ZNF516: variants seen among roughly 807,000 people sequenced by gnomAD.
ZNF516 encodes zinc finger protein 516.
Under a neutral mutation model 79.7 loss-of-function variants are expected in ZNF516, and 19 were observed. That is an observed-to-expected ratio of 0.24 (90% CI 0.17 to 0.35). The LOEUF (loss-of-function observed/expected upper bound fraction) is 0.35, where lower values mean the gene tolerates loss of function less well. ZNF516 is among the 10% of genes least tolerant of loss of function. The pLI, the probability that ZNF516 is intolerant of heterozygous loss-of-function variation, is 1.00. For missense variants in ZNF516, 1,678 were observed against 1,679.5 expected (o/e 1.00, Z 0.02); for synonymous variants, 877 against 739.5 (o/e 1.19, Z -3.02).
chr18:76,400,310 G>A (rs1253869102), intron 3 of ZNF516, among the ~76,000 whole-genome samples: 1 of 152,158 alleles, frequency 6.6e-6, no homozygotes, highest in Non-Finnish European at 1.5e-5. Context: ...TTTCACAGAG[G>A]TTTATGTTAC....
chr18:76,484,157 C>T (rs993253710), intron 1 of ZNF516, among the ~76,000 whole-genome samples: 1 of 152,202 alleles, frequency 6.6e-6, no homozygotes, highest in Non-Finnish European at 1.5e-5. Context: ...TCTGTGCATT[C>T]AGCACAGCGT....
intron 1 of ZNF516, among the ~76,000 whole-genome samples, chr18:76,485,328 A>G (rs1968392263): frequency 6.6e-6 from 1 of 152,198 alleles, no homozygotes; most frequent in African/African-American, 2.4e-5. Context: ...TATTTTCTCA[A>G]ACTGGCATAA....
intron 1 of ZNF516, among the ~76,000 whole-genome samples, chr18:76,474,123 T>C (rs935866996): frequency 4.6e-5 from 7 of 152,012 alleles, no homozygotes; most frequent in African/African-American, 1.7e-4. Flanking sequence ...ACAGCTACAG[T>C]GAATACCTGA....
chr18:76,407,305 G>A (rs1238871448), intron 3 of ZNF516, among the ~76,000 whole-genome samples: 35 of 152,162 alleles, frequency 2.3e-4, no homozygotes, highest in Non-Finnish European at 7.3e-5. Context: ...TGCACCTGTT[G>A]TTTCAGCTAC....
At chr18:76,452,104 G>T (rs993667668) in intron 2 of ZNF516, among the ~76,000 whole-genome samples, 5 of 152,098 alleles carry the variant, frequency 3.3e-5, no homozygotes, top group Admixed American at 2.0e-4. Context: ...GCATTCACAA[G>T]AAACTCCACC....
In ZNF516 at chr18:76,471,255, G is replaced by GAA. The variant is rs533579669; in HGVS notation, c.-271-8116_-271-8115dup. ...GCAAACCCTCCACATCCTCCACACGGAAAAAAAAAAAAAGACATATTATTT... is the reference window on the plus strand; with the variant it reads ...GCAAACCCTCCACATCCTCCACACGGAAAAAAAAAAAAAAAGACATATTATTT... On this transcript the variant is annotated intron_variant, in intron 1 of 6. Transcript: ENST00000443185. 5.0e-5 allele frequency among the ~76,000 whole-genome samples: 7 copies of GAA among 140,428 alleles called. No homozygotes were observed. The East Asian group carries it at 6.2e-4, about 12-fold the overall frequency. 92.1% of individuals were successfully genotyped at this position (140,428 alleles called of 152,430 possible). A position where few individuals can be genotyped will look rare whatever the true frequency, so the allele number is the denominator to read the frequency against.
chr18:76,431,565 C>G (rs1818991254), intron 3 of ZNF516, among the ~76,000 whole-genome samples: 1 of 152,162 alleles, frequency 6.6e-6, no homozygotes, highest in Non-Finnish European at 1.5e-5. Context: ...AGGTGGGGCC[C>G]GAGGGGCGGT....
intron 4 of ZNF516, among the ~76,000 whole-genome samples, chr18:76,374,816 AC>A (rs2074761167): frequency 6.6e-6 from 1 of 152,192 alleles, no homozygotes; most frequent in South Asian, 2.1e-4. Context: ...TGCAGACGAC[AC>A]CCACCTAGCA....
intron 4 of ZNF516, among the ~76,000 whole-genome samples, chr18:76,372,215 C>G (rs2074719897): frequency 6.6e-6 from 1 of 152,258 alleles, no homozygotes; most frequent in East Asian, 1.9e-4. Context: ...AAAGATCATG[C>G]CACATCCCTG....
rs58634236 is a variant in ZNF516, at chr18:76,473,903, T to TGTGTGTGTGTGGG, written c.-271-10763_-271-10762insCCCACACACACAC. 7.4e-5 allele frequency among the ~76,000 whole-genome samples: 4 copies of TGTGTGTGTGTGGG among 54,170 alleles called. 1 individual carries two copies. Among genetic ancestry groups the TGTGTGTGTGTGGG allele is most frequent in the African/African-American group, 3.6e-4 (4 of 11,118 alleles). The allele number at this position is 54,170 out of a possible 152,430, so 35.5% of individuals were successfully genotyped here. A position where few individuals can be genotyped will look rare whatever the true frequency, so the allele number is the denominator to read the frequency against. ...CACTGGGTTGTTGGTTGTTTTTGTG[T>TGTGTGTGTGTGGG]GGGGGGGGGGGGGGCTTTCTTTTTG... On this transcript the variant is annotated intron_variant, in intron 1 of 6. Transcript: ENST00000443185.
chr18:76,399,016 T>C (rs1330259485), intron 3 of ZNF516, among the ~76,000 whole-genome samples: 1 of 152,208 alleles, frequency 6.6e-6, no homozygotes, highest in African/African-American at 2.4e-5. Context: ...AAGCGGTCTC[T>C]GTCCTCCGTG....
intron 3 of ZNF516, among the ~76,000 whole-genome samples, chr18:76,405,032 C>G (rs1489443674): frequency 6.6e-6 from 1 of 152,182 alleles, no homozygotes; most frequent in Non-Finnish European, 1.5e-5. Flanking sequence ...TTGCTCCCAG[C>G]AAAGACCTCA....
At chr18:76,472,578 T>C (rs952870113) in intron 1 of ZNF516, among the ~76,000 whole-genome samples, 4 of 152,218 alleles carry the variant, frequency 2.6e-5, no homozygotes, top group South Asian at 2.1e-4. Context: ...CAATATGAAA[T>C]TTCCTTAGCT....
intron 6 of ZNF516, among the ~76,000 whole-genome samples, chr18:76,369,562 G>A (rs1017810952): frequency 2.0e-5 from 3 of 152,080 alleles, no homozygotes; most frequent in African/African-American, 4.8e-5. Context: ...AAACTAGAAC[G>A]ATTCTCGAGT....
At chr18:76,410,477 G>C (rs866049559) in intron 3 of ZNF516, among the ~76,000 whole-genome samples, 49 of 152,242 alleles carry the variant, frequency 3.2e-4, no homozygotes, top group Middle Eastern at 3.4e-3. Flanking sequence ...GCCTTGCCTC[G>C]AACAGGTCCC....
At chr18:76,405,429 C>T (rs562196498) in intron 3 of ZNF516, among the ~76,000 whole-genome samples, 2 of 152,230 alleles carry the variant, frequency 1.3e-5, no homozygotes, top group South Asian at 2.1e-4. Flanking sequence ...AGTGAGGCAC[C>T]GACAGGGCGT....
chr18:76,472,149 G>A (rs1020936273), intron 1 of ZNF516, among the ~76,000 whole-genome samples: 5 of 152,102 alleles, frequency 3.3e-5, no homozygotes, highest in African/African-American at 9.7e-5. Context: ...CTTGGTCAGC[G>A]TCCCTGGCCT....
intron 1 of ZNF516, chr18:76,492,231 G>T (rs906645886): frequency 8.1e-6 from 8 of 985,464 alleles, no homozygotes; most frequent in Non-Finnish European, 8.4e-6. Flanking sequence ...ACATTTACAC[G>T]GAGATGCTGC....
At chr18:76,495,094 C>T (rs1326986769) in intron 1 of ZNF516, 50 bp downstream of exon 1, 2 of 149,734 alleles carry the variant, frequency 1.3e-5, no homozygotes, top group Non-Finnish European at 3.0e-5. Flanking sequence ...GCGCCCACCG[C>T]CCGCCCGCGG....
Sources: allele counts gnomAD v4.1 joint callset (sites outside exome capture counted in the v4.1 genomes callset), GRCh38; gene constraint gnomAD v4.1.1; transcripts MANE v1.5; gene names NCBI Gene and HGNC (gene_info 2026-07-23, HGNC 2026-07-21).